The following SIPA1L1 variants were observed in gnomAD, a reference collection of about 807,000 sequenced individuals.
SIPA1L1 encodes the protein signal induced proliferation associated 1 like 1.
In SIPA1L1, 26 loss-of-function variants were observed where a neutral mutation model predicts 162.7. That is an observed-to-expected ratio of 0.16 (90% CI 0.12 to 0.22). The LOEUF (loss-of-function observed/expected upper bound fraction) is 0.22, where lower values mean the gene tolerates loss of function less well. Ranked by LOEUF, SIPA1L1 falls within the 10% of genes least tolerant of loss-of-function variation. The pLI is 1.00. For synonymous variants in SIPA1L1, 829 were observed against 837.4 expected (o/e 0.99, Z 0.17); for missense variants, 1,874 against 2,241.0 (o/e 0.84, Z 3.31).
At chr14:71,570,339 C>T (rs898340446) in intron 4 of SIPA1L1, among the ~76,000 whole-genome samples, 1 of 151,940 alleles carries the variant, frequency 6.6e-6, no homozygotes, top group African/African-American at 2.4e-5. Flanking sequence ...GTGGCATGAT[C>T]TCGGTTCACT....
At chr14:71,478,519 A>G (rs1013531524) in intron 2 of SIPA1L1, among the ~76,000 whole-genome samples, 1 of 152,148 alleles carries the variant, frequency 6.6e-6, no homozygotes, top group Non-Finnish European at 1.5e-5. Flanking sequence ...TTTATTTTGA[A>G]TTAATATTTC....
At chr14:71,720,895 G>T (rs1212708207) in intron 17 of SIPA1L1, among the ~76,000 whole-genome samples, 1 of 152,068 alleles carries the variant, frequency 6.6e-6, no homozygotes, top group African/African-American at 2.4e-5. Context: ...TCGAGGACAG[G>T]TATTTTGAAT....
intron 4 of SIPA1L1, among the ~76,000 whole-genome samples, chr14:71,552,528 A>C (rs913267216): frequency 4.0e-5 from 6 of 151,746 alleles, no homozygotes; most frequent in African/African-American, 1.5e-4. Flanking sequence ...AGTAGCTGGG[A>C]CTACAGGCGC....
chr14:71,334,614 G>A (rs139063914), intron 2 of SIPA1L1, among the ~76,000 whole-genome samples: 9 of 151,906 alleles, frequency 5.9e-5, no homozygotes, highest in African/African-American at 2.2e-4. Flanking sequence ...TAGGTGGGAG[G>A]GTATTGTAGT....
At chr14:71,367,304 T>C (rs918706238) in intron 2 of SIPA1L1, among the ~76,000 whole-genome samples, 4 of 115,890 alleles carry the variant, frequency 3.5e-5, no homozygotes, top group African/African-American at 1.5e-4. Flanking sequence ...CATTCATTGC[T>C]TTTTTTTTTT....
rs75638904 is a variant in SIPA1L1 at position 71,646,635 on chromosome 14, C to G, written c.1819-3700C>G. Reference sequence around the variant, plus strand: ...CTTCATCTCAAATATAGCCCTTGTCCCATTGGACTGACCACCATCACTTTT... The same window carrying G: ...CTTCATCTCAAATATAGCCCTTGTCGCATTGGACTGACCACCATCACTTTT... On this transcript the variant is annotated intron_variant, in intron 7 of 23. Coordinates refer to ENST00000381232, the MANE Select transcript of SIPA1L1 (RefSeq NM_001386936.1). 2.3e-3 allele frequency among the ~76,000 whole-genome samples: 347 copies of G among 152,296 alleles called. 9 individuals are homozygous for G. The East Asian group carries it at 0.061, about 27-fold the overall frequency.
chr14:71,578,803 CTT>C (rs1567234665), intron 4 of SIPA1L1, among the ~76,000 whole-genome samples: 1 of 152,212 alleles, frequency 6.6e-6, no homozygotes. Context: ...AAAATCCTGA[CTT>C]TGCTTCTTGG....
chr14:71,525,366 A>G (rs1281929187), intron 3 of SIPA1L1, among the ~76,000 whole-genome samples: 3 of 152,034 alleles, frequency 2.0e-5, no homozygotes, highest in Non-Finnish European at 2.9e-5. Flanking sequence ...TGTGTTTTTA[A>G]TAGAGACAGG....
intron 3 of SIPA1L1, among the ~76,000 whole-genome samples, chr14:71,526,306 T>C (rs1378097986): frequency 6.6e-6 from 1 of 152,138 alleles, no homozygotes; most frequent in African/African-American, 2.4e-5. Context: ...AATCTAATAT[T>C]ATTAGCCCAC....
intron 2 of SIPA1L1, among the ~76,000 whole-genome samples, chr14:71,483,696 A>C (rs907293457): frequency 6.6e-6 from 1 of 152,164 alleles, no homozygotes; most frequent in African/African-American, 2.4e-5. Context: ...TTCTGTACAA[A>C]AAGCATGTCT....
intron 12 of SIPA1L1, among the ~76,000 whole-genome samples, chr14:71,680,057 A>ACTCAG (rs2045642025): frequency 1.3e-5 from 2 of 151,832 alleles, no homozygotes; most frequent in Admixed American, 6.6e-5. Context: ...CAGGAATTGA[A>ACTCAG]CTCTGCACCA....
rs757328243 is a variant in SIPA1L1 at position 71,650,353 on chromosome 14, G to A, written c.1837G>A (p.Val613Ile). The A allele has an allele frequency of 6.2e-7, 1 of 1,613,974 alleles. No individual in the cohort carries two copies. The highest frequency in any genetic ancestry group is 8.5e-7 in the Non-Finnish European group (1 of 1,179,942). The part of the protein sequence containing the change: ...DEQGLNYQQK[V>I]GIMYCKAGQS... Reference sequence around the variant, plus strand: ...TTCACAGCTGAACTACCAGCAGAAAGTAGGCATCATGTACTGCAAAGCTGG... The same window carrying A: ...TTCACAGCTGAACTACCAGCAGAAAATAGGCATCATGTACTGCAAAGCTGG... Residue 613 changes from valine (V) to isoleucine (I), a missense_variant, in exon 8 of 24, where the codon GTA becomes ATA. This residue lies in a region of SIPA1L1 where 685 missense variants were observed against 828.0 expected (regional missense o/e 0.83). Coordinates refer to ENST00000381232, the MANE Select transcript of SIPA1L1 (RefSeq NM_001386936.1).
intron 7 of SIPA1L1, among the ~76,000 whole-genome samples, chr14:71,642,973 AAAAAAAC>A (rs1311493312): frequency 2.0e-5 from 3 of 152,000 alleles, no homozygotes; most frequent in African/African-American, 7.2e-5. Flanking sequence ...TGCCAAAAAA[AAAAAAAC>A]AAAAAACCCA....
chr14:71,559,631 GT>G (rs2056624485), intron 4 of SIPA1L1, among the ~76,000 whole-genome samples: 1 of 152,120 alleles, frequency 6.6e-6, no homozygotes, highest in Admixed American at 6.5e-5. Context: ...AAGAACAATT[GT>G]TTTTAAAGCC....
At chr14:71,737,133 T>C (rs1327397400) in intron 22 of SIPA1L1, among the ~76,000 whole-genome samples, 1 of 152,224 alleles carries the variant, frequency 6.6e-6, no homozygotes, top group East Asian at 1.9e-4. Context: ...GAGGTCATGG[T>C]CACTCCATCA....
At chr14:71,699,862 C>T (rs1473773457) in intron 14 of SIPA1L1, among the ~76,000 whole-genome samples, 1 of 152,200 alleles carries the variant, frequency 6.6e-6, no homozygotes, top group Non-Finnish European at 1.5e-5. Flanking sequence ...GAGGCAGAGT[C>T]CTTGATCACT....
intron 5 of SIPA1L1, among the ~76,000 whole-genome samples, chr14:71,595,111 A>T (rs1359305026): frequency 6.6e-6 from 1 of 152,212 alleles, no homozygotes; most frequent in African/African-American, 2.4e-5. Flanking sequence ...GCTGCTTAAA[A>T]GGGCGTGGGC....
At chr14:71,712,412 T>A (rs1181264589) in intron 17 of SIPA1L1, among the ~76,000 whole-genome samples, 2 of 152,238 alleles carry the variant, frequency 1.3e-5, no homozygotes, top group Non-Finnish European at 2.9e-5. Context: ...TCTAAATTAT[T>A]GCTCCCTAGA....
chr14:71,469,399 G>GT (rs1180460051), intron 2 of SIPA1L1, among the ~76,000 whole-genome samples: 1 of 152,150 alleles, frequency 6.6e-6, no homozygotes, highest in Admixed American at 6.5e-5. Flanking sequence ...TGTTTTACCT[G>GT]TTATGTGTTT....
Sources: gnomAD v4.1 joint callset for allele counts (sites outside exome capture counted in the v4.1 genomes callset) on GRCh38, gnomAD v4.1.1 for gene constraint, gnomAD v4.1.1 regional missense constraint, MANE v1.5 for transcripts, NCBI Gene and HGNC (gene_info 2026-07-23, HGNC 2026-07-21) for gene names.